CLCA1: variants seen among roughly 807,000 people sequenced by gnomAD.
CLCA1 encodes chloride channel accessory 1, also known as calcium-activated chloride channel regulator 1.
A neutral mutation model predicts 85.6 loss-of-function variants in CLCA1; 59 were observed. That is an observed-to-expected ratio of 0.69 (90% CI 0.56 to 0.86). The LOEUF (loss-of-function observed/expected upper bound fraction) is 0.86. Among genes scored for constraint, CLCA1 ranks in the 40% least tolerant of loss-of-function variants. CLCA1 has a pLI of 0.00. For missense variants in CLCA1, 1,022 were observed against 1,101.4 expected, an observed-to-expected ratio of 0.93 and a Z score of 1.02; for synonymous variants, 396 against 398.3, an observed-to-expected ratio of 0.99 and a Z score of 0.07.
chr1:86,474,258 C>G (rs1030114328), intron 3 of CLCA1, among the ~76,000 whole-genome samples: 18 of 152,190 alleles, frequency 1.2e-4, no homozygotes, highest in African/African-American at 4.3e-4. Flanking sequence ...GTGCAGTGCT[C>G]TCAGACGTGC....
intron 6 of CLCA1, among the ~76,000 whole-genome samples, chr1:86,486,228 AC>A (rs1422667667): frequency 6.6e-6 from 1 of 152,226 alleles, no homozygotes; most frequent in African/African-American, 2.4e-5. Context: ...GGTTGAGGAC[AC>A]AGAGCCAAAC....
chr1:86,476,408 A>G (rs758104855), intron 3 of CLCA1, 40 bp from the exon 4 acceptor site: 3 of 1,012,352 alleles, frequency 3.0e-6, no homozygotes, highest in Non-Finnish European at 4.7e-6. Context: ...TAATTTTGCC[A>G]TTCTTATTGT....
chr1:86,470,183 T>C (rs1647463643), intron 1 of CLCA1, among the ~76,000 whole-genome samples: 2 of 152,066 alleles, frequency 1.3e-5, no homozygotes, highest in African/African-American at 2.4e-5. Flanking sequence ...TATAGAAAGA[T>C]AATGTTTGGA....
chr1:86,499,705 A>G lies in CLCA1; in HGVS notation c.2405A>G (p.Lys802Arg), dbSNP rs1161407176. Residue 802 changes from lysine (K) to arginine (R), a missense_variant, in exon 14 of 14, where the codon AAG becomes AGG. Lys to Arg is a conservative substitution (Grantham distance 26). Coordinates refer to ENST00000394711, the MANE Select transcript of CLCA1 (RefSeq NM_001285.4). ...ISTSILDLRD[K>R]FNESLQVNTT... The stretch of plus-strand genomic sequence containing the variant: ...ACAAGTATTCTTGATCTCAGAGACA[A>G]GTTCAATGAATCTCTTCAAGTGAAT... 2.5e-6 allele frequency: 4 copies of G among 1,602,762 alleles called. No homozygotes were observed. Among genetic ancestry groups the G allele is most frequent in the South Asian group, 2.2e-5 (2 of 90,842 alleles).
chr1:86,469,017 C>T lies in CLCA1; in HGVS notation c.46C>T (p.Leu16=), dbSNP rs201221009. ...TGTGTTCATCTTGATTCTTCACCTT[C>T]TAGAAGGGGCCCTGAGTAATTCACT... The part of the protein sequence containing the change: ...SSVFILILHL[L]EGALSNSLIQ... The change falls in exon 1 of 14, where the codon CTA becomes TTA. Residue 16 remains leucine (L), a synonymous_variant. Coordinates refer to ENST00000394711, the MANE Select transcript of CLCA1 (RefSeq NM_001285.4). 9.9e-5 allele frequency: 160 copies of T among 1,613,164 alleles called. 3 individuals carry two copies. The South Asian group carries it at 1.7e-3, about 17-fold the overall frequency.
chr1:86,470,176 A>G (rs1647463365), intron 1 of CLCA1, among the ~76,000 whole-genome samples: 1 of 152,220 alleles, frequency 6.6e-6, no homozygotes, highest in Non-Finnish European at 1.5e-5. Flanking sequence ...AGGCAAATAT[A>G]GAAAGATAAT....
At chr1:86,473,386 A>G (rs1647553138) in intron 1 of CLCA1, 31 bp from the exon 2 acceptor site, 3 of 1,472,294 alleles carry the variant, frequency 2.0e-6, no homozygotes, top group Non-Finnish European at 2.8e-6. Context: ...TTTTCAGTCA[A>G]TTGTTACGTA....
chr1:86,470,077 G>A (rs1647460180), intron 1 of CLCA1, among the ~76,000 whole-genome samples: 1 of 152,132 alleles, frequency 6.6e-6, no homozygotes, highest in Non-Finnish European at 1.5e-5. Context: ...TCAATAAATG[G>A]TGGATATAGT....
Position 86,499,727 on chromosome 1 carries a change from G to A in CLCA1, c.2427G>A (p.Val809=), listed in dbSNP as rs1648403075. The A allele has an allele frequency of 6.2e-7, 1 of 1,606,226 alleles. No homozygotes were observed. The highest frequency in any genetic ancestry group is 8.5e-7 in the Non-Finnish European group (1 of 1,172,992). ...ACAAGTTCAATGAATCTCTTCAAGTGAATACTACTGCTCTCATCCCAAAGG... is the reference window on the plus strand; with the variant it reads ...ACAAGTTCAATGAATCTCTTCAAGTAAATACTACTGCTCTCATCCCAAAGG... The part of the protein sequence containing the change: ...LRDKFNESLQ[V]NTTALIPKEA... Residue 809 remains valine, a synonymous_variant, in exon 14 of 14, where the codon GTG becomes GTA. Transcript: ENST00000394711.
intron 1 of CLCA1, 139 bp downstream of exon 1, chr1:86,469,272 G>A: frequency 1.7e-6 from 1 of 585,394 alleles, no homozygotes; most frequent in Non-Finnish European, 2.9e-6. Context: ...TCTGTAAAAT[G>A]GAAATAATAA....
At chr1:86,474,353 G>T (rs1647585308) in intron 3 of CLCA1, among the ~76,000 whole-genome samples, 1 of 152,166 alleles carries the variant, frequency 6.6e-6, no homozygotes, top group African/African-American at 2.4e-5. Context: ...AGGAGATCAA[G>T]ACCATCCTGG....
chr1:86,482,164 T>G, intron 4 of CLCA1, 41 bp from the exon 5 acceptor site: 1 of 1,494,316 alleles, frequency 6.7e-7, no homozygotes. Flanking sequence ...CCCTTTGAAA[T>G]GACGACATCA....
intron 12 of CLCA1, among the ~76,000 whole-genome samples, chr1:86,496,651 G>A (rs1445431371): frequency 6.6e-6 from 1 of 152,176 alleles, no homozygotes; most frequent in African/African-American, 2.4e-5. Flanking sequence ...TTACTTGGGT[G>A]TGTGCTTAGT....
At chr1:86,491,408 C>T in intron 9 of CLCA1, 37 bp downstream of exon 9, 1 of 1,392,264 alleles carries the variant, frequency 7.2e-7, no homozygotes, top group Non-Finnish European at 1.0e-6. Flanking sequence ...CATATTTACA[C>T]ATAATCATAG....
At chr1:86,482,516 G>T in intron 5 of CLCA1, 134 bp downstream of exon 5, 2 of 814,350 alleles carry the variant, frequency 2.5e-6, no homozygotes, top group Non-Finnish European at 3.8e-6. Flanking sequence ...GGACAAGCTG[G>T]GTGTGCAAGT....
chr1:86,495,647 A>G lies in CLCA1; in HGVS notation c.2085A>G (p.Ala695=), dbSNP rs145164736. 332 of 1,613,980 alleles carry G rather than the reference A, an allele frequency of 2.1e-4. 3 individuals carry two copies. Among genetic ancestry groups the G allele is most frequent in the Middle Eastern group, 1.8e-3 (11 of 6,058 alleles). ...RRRVIPQQSG[A]LYIPGWIEND... ...GAGTGATACCCCAGCAGAGTGGAGC[A>G]CTGTACATACCTGGCTGGATTGAGA... The change falls in exon 12 of 14, where the codon GCA becomes GCG. Residue 695 remains alanine (A), a synonymous_variant. Coordinates refer to ENST00000394711, the MANE Select transcript of CLCA1 (RefSeq NM_001285.4).
chr1:86,493,466 C>A lies in CLCA1; in HGVS notation c.1547C>A (p.Thr516Asn). Residue 516 changes from threonine (T) to asparagine (N), a missense_variant, in exon 10 of 14, where the codon ACT becomes AAT. Coordinates refer to ENST00000394711, the MANE Select transcript of CLCA1 (RefSeq NM_001285.4). The part of the protein sequence containing the change: ...VIVDSTVGKD[T>N]LFLITWTMQP... Reference sequence around the variant, plus strand: ...GTGGACAGCACCGTGGGAAAGGACACTTTGTTTCTTATCACCTGGACAATG... The same window carrying A: ...GTGGACAGCACCGTGGGAAAGGACAATTTGTTTCTTATCACCTGGACAATG... 6.2e-7 allele frequency: 1 copy of A among 1,614,008 alleles called. No homozygotes were observed. Among genetic ancestry groups the A allele is most frequent in the Non-Finnish European group, 8.5e-7 (1 of 1,179,924 alleles).
chr1:86,497,008 G>A (rs5744419), intron 12 of CLCA1, among the ~76,000 whole-genome samples: 3,890 of 152,344 alleles, frequency 0.026, 72 homozygotes, highest in Middle Eastern at 0.061. Context: ...GATTACAGGC[G>A]TAAGCCACCG....
At chr1:86,486,841 T>C in intron 7 of CLCA1, 88 bp downstream of exon 7, 1 of 1,166,236 alleles carries the variant, frequency 8.6e-7, no homozygotes, top group South Asian at 1.3e-5. Flanking sequence ...CATACATGCC[T>C]AGGGTCCAAC....
Sources: allele counts gnomAD v4.1 joint callset (sites outside exome capture counted in the v4.1 genomes callset), GRCh38; gene constraint gnomAD v4.1.1; transcripts MANE v1.5; gene names NCBI Gene and HGNC (gene_info 2026-07-23, HGNC 2026-07-21).